Variants in NETO2 observed in about 807,000 individuals in gnomAD.
NETO2 encodes neuropilin and tolloid like 2, also known as neuropilin and tolloid-like protein 2.
In NETO2, 28 loss-of-function variants were observed where a neutral mutation model predicts 62.5. The observed-to-expected ratio is 0.45, with a 90% CI of 0.33 to 0.61. NETO2 has a LOEUF of 0.61. Among genes scored for constraint, NETO2 ranks in the 20% least tolerant of loss-of-function variants. The pLI is 0.02. For missense variants in NETO2, 548 were observed against 643.2 expected, an observed-to-expected ratio of 0.85 and a Z score of 1.60; for synonymous variants, 214 against 219.1, an observed-to-expected ratio of 0.98 and a Z score of 0.21.
rs545620460 is a variant in NETO2 at position 47,090,919 on chromosome 16, ATC to A, written c.884-4582_884-4581del. Reference sequence around the variant, plus strand: ...TCTACAATGGGTAGGCATGAACTGAATCTCTCATGCAGAATTAGCCCATTTAT... The same window carrying A: ...TCTACAATGGGTAGGCATGAACTGAATCTCATGCAGAATTAGCCCATTTAT... On this transcript the variant is annotated intron_variant, in intron 7 of 8. Coordinates refer to ENST00000562435, the MANE Select transcript of NETO2 (RefSeq NM_018092.5). Among the ~76,000 whole-genome samples the A allele has an allele frequency of 1.1e-3, 161 of 152,198 alleles. 2 individuals are homozygous for A. Among genetic ancestry groups the A allele is most frequent in the Non-Finnish European group, 1.7e-3 (116 of 68,018 alleles).
At chr16:47,085,451 G>A (rs1963165874) in intron 8 of NETO2, among the ~76,000 whole-genome samples, 2 of 151,700 alleles carry the variant, frequency 1.3e-5, no homozygotes, top group African/African-American at 2.4e-5. Context: ...GCGCAATCTC[G>A]GCTCACTGCA....
chr16:47,102,592 G>GAA (rs796983567), intron 7 of NETO2, among the ~76,000 whole-genome samples: 9 of 95,152 alleles, frequency 9.5e-5, no homozygotes, highest in African/African-American at 1.6e-4. Context: ...AAATTTACAA[G>GAA]AAAAAAAAAA....
intron 7 of NETO2, among the ~76,000 whole-genome samples, chr16:47,094,263 ATTTT>A (rs35543379): frequency 1.5e-5 from 2 of 137,778 alleles, no homozygotes; most frequent in Admixed American, 7.2e-5. Flanking sequence ...TATCACTTGG[ATTTT>A]TTTTTTTTTT....
chr16:47,095,613 C>T (rs182102308), intron 7 of NETO2, among the ~76,000 whole-genome samples: 73 of 152,146 alleles, frequency 4.8e-4, no homozygotes, highest in Non-Finnish European at 8.4e-4. Context: ...GAAGATATAA[C>T]GATTATAAAC....
intron 6 of NETO2, 118 bp from the exon 7 acceptor site, chr16:47,109,829 C>G: frequency 1.5e-6 from 1 of 666,666 alleles, no homozygotes; most frequent in South Asian, 2.0e-5. Context: ...AAACCATAAT[C>G]GATAAATGGC....
At chr16:47,099,187 C>G (rs913313242) in intron 7 of NETO2, among the ~76,000 whole-genome samples, 2 of 152,130 alleles carry the variant, frequency 1.3e-5, no homozygotes, top group Non-Finnish European at 2.9e-5. Flanking sequence ...ATTTTCAACC[C>G]AGAATTTCAT....
chr16:47,118,169 G>T (rs1158494398), intron 6 of NETO2, among the ~76,000 whole-genome samples: 1 of 152,014 alleles, frequency 6.6e-6, no homozygotes, highest in African/African-American at 2.4e-5. Flanking sequence ...CAACTAAGTT[G>T]TGTTCGCACT....
intron 7 of NETO2, among the ~76,000 whole-genome samples, chr16:47,099,420 C>T (rs1963496288): frequency 6.6e-6 from 1 of 152,116 alleles, no homozygotes; most frequent in Admixed American, 6.5e-5. Flanking sequence ...GCAAAATAAC[C>T]AGCTACCATC....
rs550782687 is a variant in NETO2, at chr16:47,143,566, C to T, written c.34+13G>A. ...CAGGGGGCGCCGTCCGTGGCCCCAG[C>T]CCCGGTCCTTACCTTTGAGGACCGA... On this transcript the variant is annotated intron_variant, in intron 1 of 8. Coordinates refer to ENST00000562435, the MANE Select transcript of NETO2 (RefSeq NM_018092.5). 1.7e-5 allele frequency: 21 copies of T among 1,223,712 alleles called. No homozygotes were observed. The Admixed American group carries it at 6.1e-4, about 35-fold the overall frequency. The allele number at this position is 1,223,712 out of a possible 1,614,324, so 75.8% of individuals were successfully genotyped here. A position where few individuals can be genotyped will look rare whatever the true frequency, so the allele number is the denominator to read the frequency against.
chr16:47,094,871 A>C (rs567911447), intron 7 of NETO2, among the ~76,000 whole-genome samples: 2 of 152,130 alleles, frequency 1.3e-5, no homozygotes, highest in African/African-American at 4.8e-5. Flanking sequence ...ACGCCCAGCT[A>C]ATTTTTGTAT....
intron 3 of NETO2, 135 bp from the exon 4 acceptor site, chr16:47,128,708 C>G: frequency 2.2e-6 from 2 of 900,454 alleles, no homozygotes; most frequent in Non-Finnish European, 3.4e-6. Flanking sequence ...AATTGCTATA[C>G]AAGTCATGAT....
chr16:47,089,433 C>G (rs1014963869), intron 7 of NETO2, among the ~76,000 whole-genome samples: 1 of 152,234 alleles, frequency 6.6e-6, no homozygotes, highest in Non-Finnish European at 1.5e-5. Flanking sequence ...CAGTGTATCT[C>G]AGACTTCTGG....
At chr16:47,130,834 CAG>C (rs1296107365) in intron 2 of NETO2, among the ~76,000 whole-genome samples, 1 of 152,104 alleles carries the variant, frequency 6.6e-6, no homozygotes, top group African/African-American at 2.4e-5. Context: ...AGAGTTGCTT[CAG>C]AGACTGTAGG....
chr16:47,085,845 C>A (rs1963177704), intron 8 of NETO2, among the ~76,000 whole-genome samples: 1 of 151,838 alleles, frequency 6.6e-6, no homozygotes, highest in Non-Finnish European at 1.5e-5. Context: ...GTGGCTCATG[C>A]CTGTAATCCC....
chr16:47,129,102 A>C, intron 3 of NETO2, 122 bp downstream of exon 3: 1 of 881,924 alleles, frequency 1.1e-6, no homozygotes, highest in Non-Finnish European at 1.8e-6. Context: ...TATCATTACT[A>C]CAGTTTAATT....
chr16:47,143,716 G>T lies in NETO2; in HGVS notation c.-104C>A. The stretch of plus-strand genomic sequence containing the variant: ...GCGACGGCCCCACTCCGTCCCCATC[G>T]CCGGCCAGCAGCTGCCTCCCCGCTC... On this transcript the variant is annotated 5_prime_UTR_variant, in exon 1 of 9. Coordinates refer to ENST00000562435, the MANE Select transcript of NETO2 (RefSeq NM_018092.5). The T allele has an allele frequency of 1.7e-6, 2 of 1,196,716 alleles. No homozygotes were observed. The highest frequency in any genetic ancestry group is 4.2e-5 in the South Asian group (1 of 23,734). The allele number at this position is 1,196,716 out of a possible 1,614,324, so 74.1% of individuals were successfully genotyped here.
At chr16:47,111,411 T>C (rs1420124867) in intron 6 of NETO2, among the ~76,000 whole-genome samples, 1 of 152,232 alleles carries the variant, frequency 6.6e-6, no homozygotes, top group Non-Finnish European at 1.5e-5. Context: ...AATAACAAGA[T>C]CACAGCACTT....
At chr16:47,090,092 T>C (rs1473776247) in intron 7 of NETO2, among the ~76,000 whole-genome samples, 1 of 152,148 alleles carries the variant, frequency 6.6e-6, no homozygotes, top group Non-Finnish European at 1.5e-5. Flanking sequence ...TTAAGGTTTA[T>C]CTACAGAACA....
intron 7 of NETO2, among the ~76,000 whole-genome samples, chr16:47,099,462 T>C (rs1272479156): frequency 6.6e-6 from 1 of 152,172 alleles, no homozygotes; most frequent in Non-Finnish European, 1.5e-5. Flanking sequence ...CACATAACAA[T>C]ATTAACCTTA....
Sources: allele counts gnomAD v4.1 joint callset (sites outside exome capture counted in the v4.1 genomes callset), GRCh38; gene constraint gnomAD v4.1.1; transcripts MANE v1.5; gene names NCBI Gene and HGNC (gene_info 2026-07-23, HGNC 2026-07-21).